Variants in DENND1B observed in about 807,000 individuals in gnomAD.
DENND1B encodes DENN domain-containing protein 1B.
DENND1B carries 59 observed loss-of-function variants against 90.1 expected under a neutral mutation model. That is an observed-to-expected ratio of 0.65 (90% confidence interval 0.53 to 0.81). The LOEUF (loss-of-function observed/expected upper bound fraction) is 0.81, where lower values mean the gene tolerates loss of function less well. Among genes scored for constraint, DENND1B ranks in the 40% least tolerant of loss-of-function variants. The pLI, the probability that DENND1B is intolerant of heterozygous loss-of-function variation, is 0.00. For synonymous variants in DENND1B, 337 were observed against 324.6 expected (o/e 1.04, Z -0.41); for missense variants, 862 against 912.6 (o/e 0.94, Z 0.71).
In DENND1B at chr1:197,541,051, G is replaced by C. The variant is rs1280135093; in HGVS notation, c.1351-36C>G. The C allele has an allele frequency of 1.9e-6, 3 of 1,583,022 alleles. No individual in the cohort carries two copies. In the African/African-American group the frequency reaches 4.1e-5, roughly 21 times the overall value. ...ATAATGAATGTGCCTGGCTCAGGAT[G>C]GTTCCATTACCATTTAAAGAATAAG... On this transcript the variant is annotated intron_variant, in intron 18 of 22. Coordinates refer to ENST00000620048, the MANE Select transcript of DENND1B (RefSeq NM_001195215.2).
At chr1:197,685,726 G>A (rs1032186532) in intron 3 of DENND1B, 4 of 151,904 alleles carry the variant, frequency 2.6e-5, no homozygotes, top group African/African-American at 9.7e-5. Context: ...AAGAACTACT[G>A]CACTCAGACC....
chr1:197,544,492 GT>G (rs550338195), intron 18 of DENND1B, among the ~76,000 whole-genome samples: 1 of 151,940 alleles, frequency 6.6e-6, no homozygotes, highest in East Asian at 1.9e-4. Flanking sequence ...ATATTAAAGA[GT>G]TTTTTTACTT....
chr1:197,684,241 T>C (rs547260902), intron 3 of DENND1B, among the ~76,000 whole-genome samples: 5 of 152,318 alleles, frequency 3.3e-5, no homozygotes, highest in Middle Eastern at 3.4e-3. Flanking sequence ...CCATGTTTCA[T>C]TCCCTTTTAT....
Position 197,671,816 on chromosome 1 carries a change from C to CA in DENND1B, c.296+220dup, listed in dbSNP as rs1655535839. On this transcript the variant is annotated intron_variant, in intron 5 of 22. Transcript: ENST00000620048. ...TATTTAGTTTTCAAAAATAACTCTA[C>CA]AAAAAACTAATCTTTAAAAAATCGA... Among the ~76,000 whole-genome samples, 5 of 152,034 alleles carry CA rather than the reference C, an allele frequency of 3.3e-5. No individual in the cohort carries two copies. The South Asian group carries it at 1.0e-3, about 32-fold the overall frequency.
rs937050458 is a variant in DENND1B, at chr1:197,736,202, T to C, written c.83-21128A>G. On this transcript the variant is annotated intron_variant, in intron 2 of 22. Transcript: ENST00000620048. ...ACTGCAAAACAACCCACTCTTTTGA[T>C]TTCAAGCTCAATTTTAAGCTGCAGA... 5 of 439,970 alleles carry C rather than the reference T, an allele frequency of 1.1e-5. No individual in the cohort carries two copies. In the East Asian group the frequency reaches 1.7e-4, roughly 15 times the overall value. 27.3% of individuals were successfully genotyped at this position (439,970 alleles called of 1,614,324 possible). A position where few individuals can be genotyped will look rare whatever the true frequency, so the allele number is the denominator to read the frequency against.
chr1:197,566,560 C>T (rs1194534145), intron 15 of DENND1B, among the ~76,000 whole-genome samples: 1 of 152,030 alleles, frequency 6.6e-6, no homozygotes, highest in African/African-American at 2.4e-5. Flanking sequence ...AACTCCTCAT[C>T]TACTAAAACT....
At chr1:197,595,095 T>G in intron 14 of DENND1B, 113 bp downstream of exon 14, 2 of 1,344,194 alleles carry the variant, frequency 1.5e-6, no homozygotes, top group Non-Finnish European at 2.0e-6. Context: ...TCTTAAAAGA[T>G]TTCCATGATA....
At chr1:197,648,771 T>C (rs1652770258) in intron 7 of DENND1B, among the ~76,000 whole-genome samples, 1 of 152,166 alleles carries the variant, frequency 6.6e-6, no homozygotes, top group Non-Finnish European at 1.5e-5. Flanking sequence ...TTTCCCCCAA[T>C]TCTTTCACTG....
At chr1:197,519,226 G>C (rs1668604104) in intron 20 of DENND1B, among the ~76,000 whole-genome samples, 2 of 151,848 alleles carry the variant, frequency 1.3e-5, no homozygotes, top group South Asian at 4.1e-4. Context: ...TAAAATATGA[G>C]TCATAAGTTT....
chr1:197,637,773 A>C (rs138823193), intron 10 of DENND1B, among the ~76,000 whole-genome samples: 2 of 152,292 alleles, frequency 1.3e-5, no homozygotes, highest in Non-Finnish European at 2.9e-5. Context: ...TGCTTCTAGA[A>C]TCTTTCCCTG....
At chr1:197,731,657 G>A (rs1226455509) in intron 2 of DENND1B, among the ~76,000 whole-genome samples, 1 of 152,128 alleles carries the variant, frequency 6.6e-6, no homozygotes, top group Non-Finnish European at 1.5e-5. Context: ...GTGGAAGAAG[G>A]AGAATCATCT....
upstream of DENND1B, among the ~76,000 whole-genome samples, chr1:197,776,702 T>C (rs945957848): frequency 9.8e-5 from 15 of 152,300 alleles, no homozygotes; most frequent in Admixed American, 7.2e-4. Flanking sequence ...CACTCAGTTA[T>C]ATAACCTTAA....
chr1:197,722,776 G>A (rs1003661761), intron 2 of DENND1B, among the ~76,000 whole-genome samples: 9 of 152,054 alleles, frequency 5.9e-5, no homozygotes, highest in African/African-American at 2.2e-4. Flanking sequence ...TGCAAAAATA[G>A]AGATCACACT....
intron 20 of DENND1B, among the ~76,000 whole-genome samples, chr1:197,537,036 G>A (rs1352361903): frequency 2.4e-5 from 3 of 126,928 alleles, no homozygotes; most frequent in South Asian, 3.0e-4. Context: ...GCAAGACTCC[G>A]TCTCAGAGAA....
intron 5 of DENND1B, among the ~76,000 whole-genome samples, chr1:197,669,372 T>C (rs1175769581): frequency 6.6e-6 from 1 of 152,116 alleles, no homozygotes; most frequent in Non-Finnish European, 1.5e-5. Context: ...AAAAGCACCA[T>C]AACTCCTCTT....
intron 10 of DENND1B, among the ~76,000 whole-genome samples, chr1:197,620,425 A>G (rs970962861): frequency 6.6e-6 from 1 of 151,070 alleles, no homozygotes; most frequent in Non-Finnish European, 1.5e-5. Flanking sequence ...TCTGATCTTT[A>G]AAATAAGAAC....
chr1:197,551,798 G>A (rs1394150657), intron 16 of DENND1B, among the ~76,000 whole-genome samples: 1 of 152,056 alleles, frequency 6.6e-6, no homozygotes, highest in Non-Finnish European at 1.5e-5. Flanking sequence ...TCTGAGTTGA[G>A]AAGTAAAAAA....
the DENND1B span, among the ~76,000 whole-genome samples, chr1:197,780,741 G>A: frequency 6.6e-6 from 1 of 152,100 alleles, no homozygotes; most frequent in Non-Finnish European, 1.5e-5. Context: ...TTTCATGCAA[G>A]TTTTGATCAG....
rs116416621 is a variant in DENND1B, at chr1:197,737,337, A to G, written c.83-22263T>C. 8.2e-3 allele frequency among the ~76,000 whole-genome samples: 1,253 copies of G among 152,336 alleles called. 18 individuals carry two copies. The highest frequency in any genetic ancestry group is 0.028 in the African/African-American group (1,148 of 41,578). Reference sequence around the variant, plus strand: ...ACCTGGGAAACTTTTTCCAAAATGTAGATTACACTCCCACCTCCATCCTTA... The same window carrying G: ...ACCTGGGAAACTTTTTCCAAAATGTGGATTACACTCCCACCTCCATCCTTA... On this transcript the variant is annotated intron_variant, in intron 2 of 22. Transcript: ENST00000620048.
Sources: gnomAD v4.1 joint callset for allele counts (sites outside exome capture counted in the v4.1 genomes callset) on GRCh38, gnomAD v4.1.1 for gene constraint, MANE v1.5 for transcripts, NCBI Gene and HGNC (gene_info 2026-07-23, HGNC 2026-07-21) for gene names.